The following ANKRD50 variants were observed in gnomAD, a reference collection of about 807,000 sequenced individuals.
ANKRD50 encodes the protein ankyrin repeat domain 50, also known as ankyrin repeat domain-containing protein 50.
ANKRD50 carries 40 observed loss-of-function variants against 112.0 expected under a neutral mutation model. That is an observed-to-expected ratio of 0.36 (90% CI 0.28 to 0.46). The LOEUF is 0.46. ANKRD50 is among the 20% of genes least tolerant of loss of function. The probability of loss-of-function intolerance (pLI) is 1.00; values close to 1 mark genes in which losing one functional copy is unlikely to be tolerated. For synonymous variants in ANKRD50, 613 were observed against 619.1 expected (o/e 0.99, Z 0.15); for missense variants, 1,487 against 1,701.7 (o/e 0.87, Z 2.22).
intron 3 of ANKRD50, among the ~76,000 whole-genome samples, chr4:124,676,418 C>T (rs1346079097): frequency 6.6e-6 from 1 of 151,148 alleles, no homozygotes; most frequent in Admixed American, 6.6e-5. Flanking sequence ...AAAATTAAGC[C>T]AACATTTTAT....
chr4:124,688,570 A>G (rs999073376), intron 2 of ANKRD50, among the ~76,000 whole-genome samples: 2 of 152,242 alleles, frequency 1.3e-5, no homozygotes, highest in Non-Finnish European at 2.9e-5. Flanking sequence ...CAAAAGACAT[A>G]GCTTGGTACT....
chr4:124,669,279 G>A lies in ANKRD50; in HGVS notation c.3998C>T (p.Pro1333Leu), dbSNP rs1209777007. The A allele has an allele frequency of 1.2e-6, 2 of 1,613,782 alleles. No homozygotes were observed. The highest frequency in any genetic ancestry group is 8.5e-7 in the Non-Finnish European group (1 of 1,179,830). Residue 1333 changes from proline to leucine, a missense_variant, in exon 4 of 5, where the codon CCT becomes CTT. Pro to Leu is a moderately conservative substitution (Grantham distance 98). Around this residue, in one of 2 missense-constraint regions of ANKRD50, gnomAD observed 441 missense variants for 432.2 expected, o/e 1.02. Coordinates refer to ENST00000504087, the MANE Select transcript of ANKRD50 (RefSeq NM_020337.3). ...TCGACCAATTTCCTGCTGAGCTGAAGGTATCATAATTTTGCATTGAGATTC... is the reference window on the plus strand; with the variant it reads ...TCGACCAATTTCCTGCTGAGCTGAAAGTATCATAATTTTGCATTGAGATTC... Reference protein sequence around the residue: ...PAESQCKIMIPSAQQEIGRSQ... With the variant: ...PAESQCKIMILSAQQEIGRSQ...
In ANKRD50 at chr4:124,665,434, T is replaced by C. The variant is rs1181923261; in HGVS notation, c.*2084A>G. The C allele has an allele frequency of 6.6e-6, 1 of 152,308 alleles. No individual in the cohort carries two copies. Among genetic ancestry groups the C allele is most frequent in the East Asian group, 1.9e-4 (1 of 5,170 alleles). The allele number at this position is 152,308 out of a possible 1,614,324, so 9.4% of individuals were successfully genotyped here. A position where few individuals can be genotyped will look rare whatever the true frequency, so the allele number is the denominator to read the frequency against. On this transcript the variant is annotated 3_prime_UTR_variant, in exon 5 of 5. Coordinates refer to ENST00000504087, the MANE Select transcript of ANKRD50 (RefSeq NM_020337.3). Reference sequence around the variant, plus strand: ...TGCAATTTTGTAAAAACAATAAAATTAAATAAATACAATTTCAATAATTCA... The same window carrying C: ...TGCAATTTTGTAAAAACAATAAAATCAAATAAATACAATTTCAATAATTCA...
At chr4:124,690,290 A>G (rs571724165) in intron 2 of ANKRD50, among the ~76,000 whole-genome samples, 7 of 152,336 alleles carry the variant, frequency 4.6e-5, no homozygotes, top group Middle Eastern at 6.8e-3. Context: ...TCCATATGTC[A>G]TCTCTGAAAT....
In ANKRD50 at chr4:124,710,241, A is replaced by G. The variant is rs1482676676; in HGVS notation, c.271T>C (p.Leu91=). 1 of 1,614,250 alleles carries G rather than the reference A, an allele frequency of 6.2e-7. No homozygotes were observed. Among genetic ancestry groups the G allele is most frequent in the South Asian group, 1.1e-5 (1 of 91,086 alleles). ...AAACTTGCAGGTGAACTTGGCCATA[A>G]GAGTTCAGTACATAGGGCCGTCTTG... is the stretch of plus-strand genomic sequence containing the variant. ...SGKTALCTEL[L]WPSSPASLQR... is the part of the protein sequence containing the mutation. The change falls in exon 2 of 5, where the codon TTA becomes CTA. Residue 91 remains leucine, a synonymous_variant. Transcript: ENST00000504087.
Position 124,665,095 on chromosome 4 carries a change from CT to C in ANKRD50, c.*2422del, listed in dbSNP as rs35267687. On this transcript the variant is annotated 3_prime_UTR_variant, in exon 5 of 5. Coordinates refer to ENST00000504087, the MANE Select transcript of ANKRD50 (RefSeq NM_020337.3). ...TTTTATATTTGGAGGACAATTTTTA[CT>C]TTTTAATGGAGCAGAAGCCATTTTC... is the stretch of plus-strand genomic sequence containing the variant. 6.6e-6 allele frequency: 1 copy of C among 151,748 alleles called. No homozygotes were observed. The highest frequency in any genetic ancestry group is 1.5e-5 in the Non-Finnish European group (1 of 67,800). 9.4% of individuals were successfully genotyped at this position (151,748 alleles called of 1,614,324 possible).
intron 3 of ANKRD50, 33 bp from the exon 4 acceptor site, chr4:124,672,567 G>C: frequency 6.9e-7 from 1 of 1,449,462 alleles, no homozygotes; most frequent in African/African-American, 1.4e-5. Flanking sequence ...GATGTAATCA[G>C]TTGAAAAGGA....
chr4:124,698,157 T>C (rs987609360), intron 2 of ANKRD50, among the ~76,000 whole-genome samples: 4 of 151,822 alleles, frequency 2.6e-5, no homozygotes, highest in African/African-American at 9.7e-5. Flanking sequence ...CTTAAATATG[T>C]CATTGAGTAG....
rs1725596296 is a variant in ANKRD50, at chr4:124,710,140, T to C, written c.372A>G (p.Gly124=). 2 of 1,613,996 alleles carry C rather than the reference T, an allele frequency of 1.2e-6. No homozygotes were observed. The highest frequency in any genetic ancestry group is 1.7e-5 in the Admixed American group (1 of 59,996). ...GGGCTACTAGACCTCTAATAAACCC[T>C]CCAACACACAAAGTATCAGAGTCCT... The part of the protein sequence containing the change: ...KAQDSDTLCV[G]GFIRGLVAQI... Residue 124 remains glycine (G), a synonymous_variant, in exon 2 of 5, where the codon GGA becomes GGG. Coordinates refer to ENST00000504087, the MANE Select transcript of ANKRD50 (RefSeq NM_020337.3).
chr4:124,681,392 C>G (rs1012291492), intron 2 of ANKRD50, among the ~76,000 whole-genome samples: 14 of 152,250 alleles, frequency 9.2e-5, no homozygotes, highest in African/African-American at 3.1e-4. Context: ...GGTCTGGTTC[C>G]AGAACCTACA....
In ANKRD50 at chr4:124,703,756, T is replaced by C. The variant is rs969742193; in HGVS notation, c.512+6244A>G. Among the ~76,000 whole-genome samples the C allele has an allele frequency of 2.6e-5, 4 of 152,164 alleles. No individual in the cohort carries two copies. The East Asian group carries it at 5.8e-4, about 22-fold the overall frequency. ...GTAAAAACATCCCATACTCAACTTG[T>C]AGAGCACCACTTCACTCTCTCTGGT... On this transcript the variant is annotated intron_variant, in intron 2 of 4. Transcript: ENST00000504087.
intron 2 of ANKRD50, among the ~76,000 whole-genome samples, chr4:124,685,430 GAC>G (rs1724985546): frequency 6.6e-6 from 1 of 152,116 alleles, no homozygotes; most frequent in Non-Finnish European, 1.5e-5. Context: ...TACATCAAGT[GAC>G]ACACAGATTC....
chr4:124,695,177 G>A (rs1417623136), intron 2 of ANKRD50, among the ~76,000 whole-genome samples: 1 of 152,048 alleles, frequency 6.6e-6, no homozygotes, highest in Non-Finnish European at 1.5e-5. Flanking sequence ...GAAAAAAAAT[G>A]AATACATTAC....
chr4:124,670,684 C>A lies in ANKRD50; in HGVS notation c.2593G>T (p.Ala865Ser). 6.2e-7 allele frequency: 1 copy of A among 1,613,196 alleles called. No homozygotes were observed. Among genetic ancestry groups the A allele is most frequent in the Non-Finnish European group, 8.5e-7 (1 of 1,179,722 alleles). ...GTTCTAGCACCTTGTTCAATAAGTG[C>A]TTCACATATCAATCTGTGCCCTTCA... ...AFEGHRLICE[A>S]LIEQGARTNE... Residue 865 changes from alanine to serine, a missense_variant, in exon 4 of 5, where the codon GCA becomes TCA. Around this residue, in one of 2 missense-constraint regions of ANKRD50, gnomAD observed 1,046 missense variants for 1,269.5 expected, o/e 0.82. Transcript: ENST00000504087.
chr4:124,703,668 G>T (rs1325419921), intron 2 of ANKRD50, among the ~76,000 whole-genome samples: 3 of 143,440 alleles, frequency 2.1e-5, no homozygotes, highest in African/African-American at 7.6e-5. Context: ...AAATTTCCAG[G>T]TTTTTTTTTT....
At position 124,669,948 on chromosome 4, in the gene ANKRD50, G is replaced by A. The variant is rs2110506958; in HGVS notation, c.3329C>T (p.Pro1110Leu). The A allele has an allele frequency of 6.2e-7, 1 of 1,612,602 alleles. No homozygotes were observed. The highest frequency in any genetic ancestry group is 8.5e-7 in the Non-Finnish European group (1 of 1,179,588). The part of the protein sequence containing the change: ...YGASSLNGCS[P>L]SPVHTMEQKP... ...TTGCTCCATTGTGTGAACAGGAGATGGGGAACAGCCATTCAAACTAGATGC... is the reference window on the plus strand; with the variant it reads ...TTGCTCCATTGTGTGAACAGGAGATAGGGAACAGCCATTCAAACTAGATGC... Residue 1110 changes from proline (P) to leucine (L), a missense_variant, in exon 4 of 5, where the codon CCA becomes CTA. Transcript: ENST00000504087.
chr4:124,691,697 C>A (rs1175161310), intron 2 of ANKRD50, among the ~76,000 whole-genome samples: 1 of 152,028 alleles, frequency 6.6e-6, no homozygotes. Context: ...AATTCTCTCC[C>A]CCTGGCCCTT....
chr4:124,687,519 A>G (rs2110517599), intron 2 of ANKRD50, among the ~76,000 whole-genome samples: 1 of 152,268 alleles, frequency 6.6e-6, no homozygotes, highest in South Asian at 2.1e-4. Flanking sequence ...AGGAAAAAAA[A>G]AATTGAAAAC....
intron 2 of ANKRD50, among the ~76,000 whole-genome samples, chr4:124,681,372 T>A (rs1724882035): frequency 6.6e-6 from 1 of 152,128 alleles, no homozygotes; most frequent in Non-Finnish European, 1.5e-5. Flanking sequence ...AGAAAGGGAT[T>A]CAAGTCCAAG....
Sources: gnomAD v4.1 joint callset for allele counts (sites outside exome capture counted in the v4.1 genomes callset) on GRCh38, gnomAD v4.1.1 for gene constraint, gnomAD v4.1.1 regional missense constraint, MANE v1.5 for transcripts, NCBI Gene and HGNC (gene_info 2026-07-23, HGNC 2026-07-21) for gene names.